The following ASPH variants were observed in gnomAD, a reference collection of about 807,000 sequenced individuals.
ASPH encodes the protein aspartate beta-hydroxylase.
A neutral mutation model predicts 118.4 loss-of-function variants in ASPH; 100 were observed. The observed-to-expected ratio is 0.84, with a 90% CI of 0.72 to 1.00. The LOEUF (loss-of-function observed/expected upper bound fraction) is 1.00, where lower values mean the gene tolerates loss of function less well. Ranked by LOEUF, ASPH falls within the 50% of genes least tolerant of loss-of-function variation. The pLI is 0.00. For missense variants in ASPH, 920 were observed against 919.5 expected (o/e 1.00, Z -0.01); for synonymous variants, 315 against 325.6 (o/e 0.97, Z 0.35).
chr8:61,690,330 C>T (rs1479291780), intron 1 of ASPH, among the ~76,000 whole-genome samples: 1 of 152,020 alleles, frequency 6.6e-6, no homozygotes, highest in African/African-American at 2.4e-5. Context: ...AAAGCACCAA[C>T]ATAAAATGTT....
intron 14 of ASPH, among the ~76,000 whole-genome samples, chr8:61,615,900 T>G (rs1179235672): frequency 6.6e-6 from 1 of 152,184 alleles, no homozygotes. Context: ...ACATAATGTT[T>G]CCCTTTCCCT....
chr8:61,651,181 CT>C lies in ASPH; in HGVS notation c.416-58del, dbSNP rs796634566. ...AAAGCTCAAACATCAACATGGACCC[CT>C]AACACTCAAATATGACATTGGTACA... On this transcript the variant is annotated intron_variant, in intron 4 of 24. Transcript: ENST00000379454. The C allele has an allele frequency of 9.4e-5, 133 of 1,408,814 alleles. No homozygotes were observed. In the South Asian group the frequency reaches 1.1e-3, roughly 11 times the overall value. The allele number at this position is 1,408,814 out of a possible 1,614,324, so 87.3% of individuals were successfully genotyped here. A position where few individuals can be genotyped will look rare whatever the true frequency, so the allele number is the denominator to read the frequency against.
intron 21 of ASPH, among the ~76,000 whole-genome samples, chr8:61,547,737 A>G (rs1054561628): frequency 6.6e-5 from 10 of 150,824 alleles, no homozygotes; most frequent in Admixed American, 1.3e-4. Context: ...TAATTCATAA[A>G]TATATATATA....
At position 61,500,629 on chromosome 8, in the gene ASPH, T is replaced by A. The variant is rs1325348849; in HGVS notation, c.*2730A>T. The A allele has an allele frequency of 1.4e-5, 2 of 138,484 alleles. No homozygotes were observed. Among genetic ancestry groups the A allele is most frequent in the East Asian group, 2.4e-4 (1 of 4,120 alleles). The allele number at this position is 138,484 out of a possible 1,614,324, so 8.6% of individuals were successfully genotyped here. A position where few individuals can be genotyped will look rare whatever the true frequency, so the allele number is the denominator to read the frequency against. On this transcript the variant is annotated 3_prime_UTR_variant, in exon 25 of 25. Coordinates refer to ENST00000379454, the MANE Select transcript of ASPH (RefSeq NM_004318.4). ...TCCCCAACTACTCATTCAAAAGAAA[T>A]CAGACATAAAATAAACAGACATCAT... is the stretch of plus-strand genomic sequence containing the variant.
At chr8:61,618,917 T>C (rs1026321687) in intron 14 of ASPH, 61 bp downstream of exon 14, 16 of 1,419,082 alleles carry the variant, frequency 1.1e-5, no homozygotes, top group Middle Eastern at 3.6e-4. Context: ...GGATGGAACA[T>C]AAAATCATGT....
intron 22 of ASPH, among the ~76,000 whole-genome samples, chr8:61,520,474 C>T (rs539848379): frequency 2.6e-5 from 4 of 152,294 alleles, no homozygotes; most frequent in East Asian, 1.9e-4. Flanking sequence ...AAAAGGTATT[C>T]ACCCCAATCA....
Position 61,526,077 on chromosome 8 carries a change from T to C in ASPH, c.1800A>G (p.Glu600=). ...TGGCTTTATCCATCACTGCAAGGCC[T>C]TCATCTCGGATTAACTTCCAGTTTC... ...LERNWKLIRD[E]GLAVMDKAKG... is the part of the protein sequence containing the mutation. Residue 600 remains glutamate, a synonymous_variant, in exon 22 of 25, where the codon GAA becomes GAG. Coordinates refer to ENST00000379454, the MANE Select transcript of ASPH (RefSeq NM_004318.4). 1.2e-6 allele frequency: 2 copies of C among 1,614,030 alleles called. No homozygotes were observed. The highest frequency in any genetic ancestry group is 1.7e-6 in the Non-Finnish European group (2 of 1,179,912).
intron 16 of ASPH, among the ~76,000 whole-genome samples, chr8:61,570,749 G>A (rs543250925): frequency 1.4e-4 from 22 of 152,220 alleles, no homozygotes; most frequent in African/African-American, 5.3e-4. Flanking sequence ...CTGAATATTT[G>A]TTACAGGATG....
At chr8:61,602,015 T>C (rs1044384324) in intron 14 of ASPH, among the ~76,000 whole-genome samples, 1 of 151,328 alleles carries the variant, frequency 6.6e-6, no homozygotes, top group Admixed American at 6.6e-5. Context: ...CTAGGCCCAG[T>C]CACCTTCACT....
At chr8:61,520,052 T>C in intron 22 of ASPH, among the ~76,000 whole-genome samples, 2 of 152,236 alleles carry the variant, frequency 1.3e-5, no homozygotes, top group East Asian at 3.8e-4. Flanking sequence ...CTATTTTTAT[T>C]GGACTTCAAT....
intron 4 of ASPH, 91 bp from the exon 5 acceptor site, chr8:61,651,215 T>G: frequency 9.8e-7 from 1 of 1,020,168 alleles, no homozygotes; most frequent in Non-Finnish European, 1.5e-6. Flanking sequence ...ACATACACAT[T>G]AAAATGAATA....
chr8:61,665,501 C>A (rs555432849), intron 3 of ASPH: 6 of 1,565,116 alleles, frequency 3.8e-6, no homozygotes, highest in Non-Finnish European at 5.2e-6. Context: ...CTTATCCTTT[C>A]GGACATCCTC....
At chr8:61,702,276 ACTT>A (rs1321439396) in intron 1 of ASPH, among the ~76,000 whole-genome samples, 5 of 144,154 alleles carry the variant, frequency 3.5e-5, no homozygotes, top group Non-Finnish European at 7.5e-5. Flanking sequence ...CCAAATAGCT[ACTT>A]CTTTTTTTTT....
intron 24 of ASPH, among the ~76,000 whole-genome samples, chr8:61,507,772 T>C (rs1807190376): frequency 6.6e-6 from 1 of 152,208 alleles, no homozygotes; most frequent in Non-Finnish European, 1.5e-5. Context: ...GCCACTTGCT[T>C]TGTGAACAAA....
chr8:61,552,846 C>T (rs777341176), intron 20 of ASPH, among the ~76,000 whole-genome samples, 185 bp downstream of exon 20: 28 of 152,146 alleles, frequency 1.8e-4, no homozygotes, highest in Non-Finnish European at 3.7e-4. Context: ...CCCAAAAATT[C>T]TTTAAAGGGT....
In ASPH at chr8:61,653,557, G is replaced by A. The variant is rs756580088; in HGVS notation, c.415+11C>T. 25 of 1,613,190 alleles carry A rather than the reference G, an allele frequency of 1.5e-5. No homozygotes were observed. The highest frequency in any genetic ancestry group is 1.9e-5 in the Non-Finnish European group (23 of 1,179,748). On this transcript the variant is annotated intron_variant, in intron 4 of 24. Transcript: ENST00000379454. ...CACCTGGGCGAGACTCGAGGATGAG[G>A]ACAAGCTTACCTGCCTCCACAGGAA...
chr8:61,663,437 C>T, intron 3 of ASPH: 1 of 985,402 alleles, frequency 1.0e-6, no homozygotes, highest in Non-Finnish European at 1.2e-6. Flanking sequence ...TGAGGGCCAT[C>T]TTGGTTATCA....
intron 14 of ASPH, among the ~76,000 whole-genome samples, chr8:61,587,975 T>A (rs1174886926): frequency 2.0e-5 from 3 of 152,062 alleles, no homozygotes; most frequent in Non-Finnish European, 2.9e-5. Flanking sequence ...GGGTAAGAAA[T>A]GGGTGATGTG....
In ASPH at chr8:61,651,057, T is replaced by C. The variant is rs1391099577; in HGVS notation, c.483A>G (p.Ala161=). Residue 161 remains alanine, a synonymous_variant, in exon 5 of 25, where the codon GCA becomes GCG. Coordinates refer to ENST00000379454, the MANE Select transcript of ASPH (RefSeq NM_004318.4). Reference sequence around the variant, plus strand: ...GCAGATTTTAATTCATACCATGTTCTGCGTGTACCATTTCATGGAGAAGGG... The same window carrying C: ...GCAGATTTTAATTCATACCATGTTCCGCGTGTACCATTTCATGGAGAAGGG... ...IQSLLHEMVH[A]EHVEGEDLQQ... is the part of the protein sequence containing the mutation. 1.2e-6 allele frequency: 2 copies of C among 1,612,574 alleles called. No homozygotes were observed. Among genetic ancestry groups the C allele is most frequent in the Middle Eastern group, 1.6e-4 (1 of 6,072 alleles).
Sources: gnomAD v4.1 joint callset for allele counts (sites outside exome capture counted in the v4.1 genomes callset) on GRCh38, gnomAD v4.1.1 for gene constraint, MANE v1.5 for transcripts, NCBI Gene and HGNC (gene_info 2026-07-23, HGNC 2026-07-21) for gene names.